MTA1: variants seen among roughly 807,000 people sequenced by gnomAD.
MTA1 encodes metastasis-associated protein MTA1.
MTA1 carries 15 observed loss-of-function variants against 97.0 expected under a neutral mutation model. The observed-to-expected ratio is 0.15, with a 90% CI of 0.10 to 0.24. The LOEUF (loss-of-function observed/expected upper bound fraction) is 0.24. Among genes scored for constraint, MTA1 ranks in the 10% least tolerant of loss-of-function variants. The pLI is 1.00. For synonymous variants in MTA1, 435 were observed against 417.5 expected, an observed-to-expected ratio of 1.04 and a Z score of -0.51; for missense variants, 709 against 1,015.1, an observed-to-expected ratio of 0.70 and a Z score of 4.10.
chr14:105,443,551 A>T (rs1013496448), intron 2 of MTA1, among the ~76,000 whole-genome samples: 2 of 152,116 alleles, frequency 1.3e-5, no homozygotes, highest in African/African-American at 2.4e-5. Flanking sequence ...TTTAAAACAC[A>T]TTTTATAGAG....
At chr14:105,451,951 C>T (rs1157462106) in intron 6 of MTA1, among the ~76,000 whole-genome samples, 15 of 151,928 alleles carry the variant, frequency 9.9e-5, no homozygotes, top group Non-Finnish European at 1.5e-4. Context: ...TCACCATGTC[C>T]GGCTAATTTT....
rs587760051 is a variant in MTA1, at chr14:105,453,854, GCCGTAT to G, written c.433-336_433-331del. Among the ~76,000 whole-genome samples the G allele has an allele frequency of 2.9e-3, 437 of 152,344 alleles. 3 individuals carry two copies. Among genetic ancestry groups the G allele is most frequent in the African/African-American group, 9.6e-3 (398 of 41,584 alleles). On this transcript the variant is annotated intron_variant, in intron 6 of 20. Coordinates refer to ENST00000331320, the MANE Select transcript of MTA1 (RefSeq NM_004689.4). ...AATAAGTCATGGTTTTTGGGCTGTA[GCCGTAT>G]CCACCCTGCCTTGGTAAAGGCTTGT...
chr14:105,455,285 G>T (rs1363089737), intron 7 of MTA1, among the ~76,000 whole-genome samples: 5 of 152,306 alleles, frequency 3.3e-5, no homozygotes, highest in Middle Eastern at 3.4e-3. Flanking sequence ...GCCTGTGGGT[G>T]CCCCACCCTT....
In MTA1 at chr14:105,466,466, C is replaced by T. The variant is rs782603687; in HGVS notation, c.1665C>T (p.Ser555=). 2.3e-5 allele frequency: 34 copies of T among 1,463,300 alleles called. No individual in the cohort carries two copies. The highest frequency in any genetic ancestry group is 5.8e-5 in the African/African-American group (4 of 69,448). The allele number at this position is 1,463,300 out of a possible 1,614,324, so 90.6% of individuals were successfully genotyped here. A position where few individuals can be genotyped will look rare whatever the true frequency, so the allele number is the denominator to read the frequency against. ...PRPPKPDPVK[S]VSSVLSSLTP... The stretch of plus-strand genomic sequence containing the variant: ...CCCCCAAGCCTGACCCCGTGAAAAG[C>T]GTGTCCAGCGTGCTCAGCAGCCTGA... The change falls in exon 17 of 21, where the codon AGC becomes AGT. Residue 555 remains serine, a synonymous_variant. Coordinates refer to ENST00000331320, the MANE Select transcript of MTA1 (RefSeq NM_004689.4).
At chr14:105,436,778 T>TA (rs2141466363) in intron 1 of MTA1, among the ~76,000 whole-genome samples, 1 of 152,368 alleles carries the variant, frequency 6.6e-6, no homozygotes, top group South Asian at 2.1e-4. Context: ...TTATTTGGTT[T>TA]CTTGGAGTAA....
chr14:105,431,285 A>T (rs1555423289), intron 1 of MTA1, among the ~76,000 whole-genome samples: 1 of 152,136 alleles, frequency 6.6e-6, no homozygotes. Flanking sequence ...CTGGTCTCAA[A>T]CTCCTGACCT....
chr14:105,422,869 T>C lies in MTA1; in HGVS notation c.28+2806T>C, dbSNP rs1330524823. 3.3e-5 allele frequency among the ~76,000 whole-genome samples: 5 copies of C among 152,172 alleles called. No individual in the cohort carries two copies. The highest frequency in any genetic ancestry group is 1.2e-4 in the African/African-American group (5 of 41,454). On this transcript the variant is annotated intron_variant, in intron 1 of 20. Coordinates refer to ENST00000331320, the MANE Select transcript of MTA1 (RefSeq NM_004689.4). This position sits in a 1 kb window ranked among gnomAD's most constrained non-coding sequence, Gnocchi z 4.3. Reference sequence around the variant, plus strand: ...GCCACGGACAGAGGCCTTCTGTCTGTGCCTGTGAGGGCAGCGGATGGCCTG... The same window carrying C: ...GCCACGGACAGAGGCCTTCTGTCTGCGCCTGTGAGGGCAGCGGATGGCCTG...
intron 2 of MTA1, among the ~76,000 whole-genome samples, chr14:105,442,709 G>A (rs1353959115): frequency 6.6e-6 from 1 of 152,226 alleles, no homozygotes; most frequent in Admixed American, 6.5e-5. Context: ...AACAGACCCC[G>A]AGTGTGACTG....
At chr14:105,469,557 T>C in intron 19 of MTA1, 59 bp downstream of exon 19, 3 of 1,586,206 alleles carry the variant, frequency 1.9e-6, no homozygotes, top group East Asian at 2.2e-5. Context: ...CTCTGGGGTG[T>C]TGGGAAGAGG....
rs2081811638 is a variant in MTA1 at position 105,420,919 on chromosome 14, CCTCTCGGGCAGGTG to C, written c.28+860_28+873del. Among the ~76,000 whole-genome samples, 1 of 152,156 alleles carries C rather than the reference CCTCTCGGGCAGGTG, an allele frequency of 6.6e-6. No individual in the cohort carries two copies. The highest frequency in any genetic ancestry group is 6.5e-5 in the Admixed American group (1 of 15,284). ...TCTGAGACCCCTCCCTGCCTGTGAC[CCTCTCGGGCAGGTG>C]CTCATTACCTTTCCCACCTGCAGCC... On this transcript the variant is annotated intron_variant, in intron 1 of 20. Coordinates refer to ENST00000331320, the MANE Select transcript of MTA1 (RefSeq NM_004689.4). The surrounding 1 kb of genome is among the most constrained non-coding windows in gnomAD (Gnocchi z 5.3).
intron 18 of MTA1, among the ~76,000 whole-genome samples, chr14:105,468,663 G>A (rs1401411765): frequency 2.0e-5 from 3 of 152,178 alleles, no homozygotes; most frequent in Admixed American, 6.5e-5. Flanking sequence ...AGGTTGCTCC[G>A]ATGCCCCTGG....
rs746331525 is a variant in MTA1, at chr14:105,456,469, C to T, written c.551-1801C>T. Among the ~76,000 whole-genome samples, 9 of 152,352 alleles carry T rather than the reference C, an allele frequency of 5.9e-5. No individual in the cohort carries two copies. The South Asian group carries it at 1.4e-3, about 25-fold the overall frequency. ...CGCAGGAGCCGGCCTCCTCTCCCCA[C>T]GCTGCCTTCCCCGCTGCCCTGCCGT... On this transcript the variant is annotated intron_variant, in intron 7 of 20. Transcript: ENST00000331320.
In MTA1 at chr14:105,463,447, A is replaced by G. The variant is rs1200800238; in HGVS notation, c.1018-46A>G. The G allele has an allele frequency of 1.4e-5, 22 of 1,603,168 alleles. No homozygotes were observed. In the African/African-American group the frequency reaches 2.7e-4, roughly 20 times the overall value. The stretch of plus-strand genomic sequence containing the variant: ...CCAGCCTGTCTGCACTGCAGCCCCA[A>G]CCTGGGCCTAGCCTGCTGACCTCTG... On this transcript the variant is annotated intron_variant, in intron 11 of 20. Transcript: ENST00000331320. This position sits in a 1 kb window ranked among gnomAD's most constrained non-coding sequence, Gnocchi z 5.9.
Position 105,466,458 on chromosome 14 carries a change from G to A in MTA1, c.1657G>A (p.Val553Met), listed in dbSNP as rs781797615. Reference protein sequence around the residue: ...THPRPPKPDPVKSVSSVLSSL... With the variant: ...THPRPPKPDPMKSVSSVLSSL... ...CCCCCGCCCCCCCAAGCCTGACCCC[G>A]TGAAAAGCGTGTCCAGCGTGCTCAG... The change falls in exon 17 of 21, where the codon GTG (valine) becomes ATG (methionine). Residue 553 changes from valine to methionine, a missense_variant. By Grantham distance (21) the Val-to-Met change is conservative. This residue lies in a region of MTA1 where 388 missense variants were observed against 421.6 expected (regional missense o/e 0.92). Coordinates refer to ENST00000331320, the MANE Select transcript of MTA1 (RefSeq NM_004689.4). The A allele has an allele frequency of 2.5e-5, 24 of 967,496 alleles. No homozygotes were observed. The highest frequency in any genetic ancestry group is 5.7e-5 in the Admixed American group (2 of 34,984). 59.9% of individuals were successfully genotyped at this position (967,496 alleles called of 1,614,324 possible). A position where few individuals can be genotyped will look rare whatever the true frequency, so the allele number is the denominator to read the frequency against.
chr14:105,440,273 G>A (rs1463634700), intron 2 of MTA1, among the ~76,000 whole-genome samples: 1 of 152,250 alleles, frequency 6.6e-6, no homozygotes, highest in African/African-American at 2.4e-5. Flanking sequence ...CCCAGCATGT[G>A]GACTGTAGGG....
rs140495415 is a variant in MTA1, at chr14:105,450,929, G to A, written c.432+605G>A. Among the ~76,000 whole-genome samples the A allele has an allele frequency of 3.2e-3, 488 of 152,342 alleles. 5 individuals carry two copies. The highest frequency in any genetic ancestry group is 0.011 in the African/African-American group (455 of 41,576). ...AGCGAACGGGAGGGTTGGGTTTTCT[G>A]AGGCCACGTGGGGGCAAAAGCGTCT... On this transcript the variant is annotated intron_variant, in intron 6 of 20. Transcript: ENST00000331320.
chr14:105,460,519 G>A lies in MTA1; in HGVS notation c.753+62G>A, dbSNP rs587716309. 244 of 1,475,384 alleles carry A rather than the reference G, an allele frequency of 1.7e-4. 1 individual carries two copies. The African/African-American group carries it at 2.6e-3, about 16-fold the overall frequency. The allele number at this position is 1,475,384 out of a possible 1,614,324, so 91.4% of individuals were successfully genotyped here. A position where few individuals can be genotyped will look rare whatever the true frequency, so the allele number is the denominator to read the frequency against. On this transcript the variant is annotated intron_variant, in intron 9 of 20. Coordinates refer to ENST00000331320, the MANE Select transcript of MTA1 (RefSeq NM_004689.4). ...GTGGCCCATGGCCCAGAGTGGCTGC[G>A]CCCTTCTTCCTACCAGGGCCCAGCA...
chr14:105,441,525 G>C (rs188947689), intron 2 of MTA1, among the ~76,000 whole-genome samples: 1 of 152,150 alleles, frequency 6.6e-6, no homozygotes, highest in Admixed American at 6.5e-5. Context: ...CTGGACGCAG[G>C]GGCTCACGCC....
chr14:105,423,055 C>G (rs1000239590), intron 1 of MTA1, among the ~76,000 whole-genome samples: 13 of 152,160 alleles, frequency 8.5e-5, no homozygotes, highest in Non-Finnish European at 1.6e-4. Context: ...TAGATAGCAT[C>G]CAAAACAGGA....
Sources: allele counts gnomAD v4.1 joint callset (sites outside exome capture counted in the v4.1 genomes callset), GRCh38; gene constraint gnomAD v4.1.1; regional missense constraint gnomAD v4.1.1; non-coding constraint Gnocchi (gnomAD v3.1); transcripts MANE v1.5; gene names NCBI Gene and HGNC (gene_info 2026-07-23, HGNC 2026-07-21).